Variants in FGGY observed in about 807,000 individuals in gnomAD.
FGGY encodes the protein FGGY carbohydrate kinase domain containing.
In FGGY, 72 loss-of-function variants were observed where a neutral mutation model predicts 71.3. That is an observed-to-expected ratio of 1.01 (90% CI 0.84 to 1.23). The LOEUF (loss-of-function observed/expected upper bound fraction) is 1.23. Among genes scored for constraint, FGGY ranks in the 50% most tolerant of loss-of-function variants. The pLI is 0.00. For synonymous variants in FGGY, 251 were observed against 250.3 expected (o/e 1.00, Z -0.02); for missense variants, 668 against 682.3 (o/e 0.98, Z 0.23).
intron 6 of FGGY, among the ~76,000 whole-genome samples, chr1:59,464,299 G>A (rs1219806942): frequency 3.3e-5 from 5 of 152,160 alleles, no homozygotes; most frequent in African/African-American, 4.8e-5. Context: ...TGGAAATAAC[G>A]ATGTTCTTTG....
intron 1 of FGGY, among the ~76,000 whole-genome samples, chr1:59,319,512 G>GT (rs1476139029): frequency 1.3e-5 from 2 of 152,160 alleles, no homozygotes; most frequent in African/African-American, 4.8e-5. Flanking sequence ...GGCATCCTTT[G>GT]TATGTATGCA....
intron 2 of FGGY, among the ~76,000 whole-genome samples, chr1:59,322,585 G>A (rs1292382425): frequency 6.6e-6 from 1 of 152,144 alleles, no homozygotes; most frequent in Non-Finnish European, 1.5e-5. Flanking sequence ...TGGGCAGAGG[G>A]AATAGCATAT....
intron 14 of FGGY, among the ~76,000 whole-genome samples, chr1:59,687,848 A>C (rs1439433980): frequency 6.6e-6 from 1 of 152,138 alleles, no homozygotes; most frequent in East Asian, 1.9e-4. Flanking sequence ...CTTGACTGGT[A>C]GTCCAGCTAC....
chr1:59,408,555 G>A (rs557075096), intron 5 of FGGY, among the ~76,000 whole-genome samples: 3 of 152,226 alleles, frequency 2.0e-5, no homozygotes, highest in South Asian at 4.1e-4. Flanking sequence ...ATGTGTGCAC[G>A]CATGTATATG....
intron 4 of FGGY, among the ~76,000 whole-genome samples, chr1:59,373,569 A>G (rs1378251266): frequency 6.6e-6 from 1 of 152,174 alleles, no homozygotes; most frequent in Non-Finnish European, 1.5e-5. Flanking sequence ...TAAAGTTCAT[A>G]TGGAACCAAA....
chr1:59,537,059 C>T (rs2095336603), intron 7 of FGGY, among the ~76,000 whole-genome samples: 2 of 151,372 alleles, frequency 1.3e-5, no homozygotes, highest in African/African-American at 4.9e-5. Flanking sequence ...GTCAAATTGT[C>T]CCTGTTTGCA....
At chr1:59,319,551 A>C (rs1036854350) in intron 1 of FGGY, among the ~76,000 whole-genome samples, 1 of 152,212 alleles carries the variant, frequency 6.6e-6, no homozygotes, top group Non-Finnish European at 1.5e-5. Flanking sequence ...AGCCTTTTCC[A>C]AGGAGAATTG....
At chr1:59,759,997 T>C (rs1004388555) in intron 15 of FGGY, among the ~76,000 whole-genome samples, 2 of 151,992 alleles carry the variant, frequency 1.3e-5, no homozygotes, top group Non-Finnish European at 2.9e-5. Flanking sequence ...ATCAACAGAG[T>C]AAAAAGGCAA....
At chr1:59,651,235 G>T (rs1431935919) in intron 11 of FGGY, among the ~76,000 whole-genome samples, 3 of 152,286 alleles carry the variant, frequency 2.0e-5, no homozygotes, top group South Asian at 2.1e-4. Context: ...CTGTTGATTT[G>T]GGGGTGGAGA....
At chr1:59,728,256 G>A (rs2097974034) in intron 14 of FGGY, among the ~76,000 whole-genome samples, 1 of 151,848 alleles carries the variant, frequency 6.6e-6, no homozygotes, top group Non-Finnish European at 1.5e-5. Context: ...TTTAATCTAA[G>A]TCTGGCTTCA....
chr1:59,539,082 C>T (rs1312892177), intron 7 of FGGY, among the ~76,000 whole-genome samples: 2 of 152,076 alleles, frequency 1.3e-5, no homozygotes, highest in African/African-American at 4.8e-5. Flanking sequence ...ATGTGTAAGA[C>T]ATCTATGCAG....
At chr1:59,758,941 G>T (rs2098318129) in intron 15 of FGGY, among the ~76,000 whole-genome samples, 1 of 152,130 alleles carries the variant, frequency 6.6e-6, no homozygotes, top group South Asian at 2.1e-4. Context: ...GTCAGATGCA[G>T]ATCAGAAAAA....
intron 14 of FGGY, among the ~76,000 whole-genome samples, chr1:59,676,066 G>A (rs183781823): frequency 4.8e-4 from 73 of 152,208 alleles, no homozygotes; most frequent in Admixed American, 2.0e-3. Flanking sequence ...CTGGCACCCT[G>A]ATCTCAGACT....
At chr1:59,379,177 A>G (rs1456087918) in intron 5 of FGGY, among the ~76,000 whole-genome samples, 2 of 151,940 alleles carry the variant, frequency 1.3e-5, no homozygotes, top group African/African-American at 4.8e-5. Context: ...ACACACACAC[A>G]CACACACACA....
intron 8 of FGGY, among the ~76,000 whole-genome samples, chr1:59,587,883 A>T (rs2096339862): frequency 6.6e-6 from 1 of 152,232 alleles, no homozygotes; most frequent in Non-Finnish European, 1.5e-5. Context: ...TCTAAAAAGC[A>T]GAGCACCTCT....
intron 8 of FGGY, among the ~76,000 whole-genome samples, chr1:59,565,225 G>T (rs184855324): frequency 6.0e-4 from 92 of 152,156 alleles, no homozygotes; most frequent in Admixed American, 3.4e-3. Flanking sequence ...CAATTTATGG[G>T]GACTGAAACT....
At position 59,552,373 on chromosome 1, in the gene FGGY, C is replaced by T. The variant is rs6669034; in HGVS notation, c.800-1751C>T. On this transcript the variant is annotated intron_variant, in intron 7 of 15. Transcript: ENST00000303721. ...TTGCCTGGTTGTGGATATGTAACTA[C>T]TGTGATAACTAACACAGAAAGTTTG... is the stretch of plus-strand genomic sequence containing the variant. Among the ~76,000 whole-genome samples, 247 of 152,318 alleles carry T rather than the reference C, an allele frequency of 1.6e-3. 2 individuals are homozygous for T. Among genetic ancestry groups the T allele is most frequent in the African/African-American group, 5.6e-3 (233 of 41,568 alleles).
At chr1:59,300,341 T>A (rs894664417) in intron 1 of FGGY, among the ~76,000 whole-genome samples, 1 of 152,220 alleles carries the variant, frequency 6.6e-6, no homozygotes, top group Non-Finnish European at 1.5e-5. Context: ...ATGAGCCTTT[T>A]ATTTTCTTTT....
At chr1:59,502,761 A>G (rs1008121117) in intron 6 of FGGY, among the ~76,000 whole-genome samples, 18 of 152,070 alleles carry the variant, frequency 1.2e-4, no homozygotes, top group South Asian at 2.1e-4. Context: ...CAGGGAAGCC[A>G]CCTCCTTCTC....
Sources: gnomAD v4.1 joint callset for allele counts (sites outside exome capture counted in the v4.1 genomes callset) on GRCh38, gnomAD v4.1.1 for gene constraint, MANE v1.5 for transcripts, NCBI Gene and HGNC (gene_info 2026-07-23, HGNC 2026-07-21) for gene names.